The following FRMD4A variants were observed in gnomAD, a reference collection of about 807,000 sequenced individuals.
The protein encoded by FRMD4A is FERM domain-containing protein 4A.
In FRMD4A, 29 loss-of-function variants were observed where a neutral mutation model predicts 129.1. That is an observed-to-expected ratio of 0.22 (90% CI 0.17 to 0.31). The LOEUF is 0.31. Among genes scored for constraint, FRMD4A ranks in the 10% least tolerant of loss-of-function variants. The pLI is 1.00. For missense variants in FRMD4A, 1,272 were observed against 1,375.8 expected (o/e 0.92, Z 1.19); for synonymous variants, 634 against 571.6 (o/e 1.11, Z -1.56).
intron 2 of FRMD4A, among the ~76,000 whole-genome samples, chr10:13,935,222 G>T (rs917253848): frequency 2.6e-5 from 4 of 152,006 alleles, no homozygotes; most frequent in African/African-American, 9.7e-5. Context: ...CGGATCACCT[G>T]AGGTCAGGAG....
chr10:13,927,365 T>C (rs145793117), intron 2 of FRMD4A, among the ~76,000 whole-genome samples: 1 of 152,230 alleles, frequency 6.6e-6, no homozygotes, highest in African/African-American at 2.4e-5. Context: ...AATAGAAATG[T>C]TTTCTAGAAC....
chr10:13,806,413 A>G (rs557568626), intron 4 of FRMD4A, among the ~76,000 whole-genome samples: 1 of 152,306 alleles, frequency 6.6e-6, no homozygotes, highest in South Asian at 2.1e-4. Context: ...AATCTCAGTT[A>G]CCCTATTTGT....
chr10:13,653,164 C>G (rs2081818054), intron 23 of FRMD4A: 1 of 152,252 alleles, frequency 6.6e-6, no homozygotes, highest in African/African-American at 2.4e-5. Flanking sequence ...TGTTAGGACC[C>G]TTTCTTGCCA....
At chr10:13,713,271 G>A (rs1250953932) in intron 12 of FRMD4A, among the ~76,000 whole-genome samples, 3 of 152,164 alleles carry the variant, frequency 2.0e-5, no homozygotes, top group African/African-American at 7.2e-5. Context: ...TTAAGGGATT[G>A]GCAGAGGTTA....
chr10:13,688,105 A>T (rs928881668), intron 15 of FRMD4A, among the ~76,000 whole-genome samples: 3 of 152,216 alleles, frequency 2.0e-5, no homozygotes, highest in African/African-American at 7.2e-5. Context: ...AGGACTGTCA[A>T]GAATCTGGTG....
chr10:13,818,286 C>T (rs2093576791), intron 3 of FRMD4A, among the ~76,000 whole-genome samples: 2 of 152,002 alleles, frequency 1.3e-5, no homozygotes, highest in Admixed American at 1.3e-4. Context: ...CTTCAGTCTC[C>T]TGAGTAGGGG....
At chr10:14,113,576 T>A (rs1221038012) in intron 2 of FRMD4A, among the ~76,000 whole-genome samples, 1 of 152,152 alleles carries the variant, frequency 6.6e-6, no homozygotes, top group Non-Finnish European at 1.5e-5. Context: ...TCAGAAGTTA[T>A]ACCTAGATTT....
chr10:14,209,931 T>C (rs1842891256), intron 2 of FRMD4A, among the ~76,000 whole-genome samples: 1 of 151,896 alleles, frequency 6.6e-6, no homozygotes, highest in East Asian at 1.9e-4. Context: ...GGAAGCCATG[T>C]GAAGATGGAA....
chr10:14,238,883 A>T (rs11258968), intron 2 of FRMD4A, among the ~76,000 whole-genome samples: 1 of 151,988 alleles, frequency 6.6e-6, no homozygotes. Context: ...TTATGGCTGC[A>T]TAGTATTCCA....
At chr10:13,902,485 G>GAGAGAGAGAGAGAGAGAGAT (rs2094832002) in intron 2 of FRMD4A, among the ~76,000 whole-genome samples, 1 of 151,614 alleles carries the variant, frequency 6.6e-6, no homozygotes, top group African/African-American at 2.4e-5. Context: ...GAGAGAGAGA[G>GAGAGAGAGAGAGAGAGAGAT]AGAGAGTGAC....
intron 2 of FRMD4A, among the ~76,000 whole-genome samples, chr10:14,153,470 C>T (rs1008467489): frequency 6.6e-6 from 1 of 152,266 alleles, no homozygotes; most frequent in Admixed American, 6.5e-5. Flanking sequence ...CCACAGGAAC[C>T]TCCACACAGG....
intron 2 of FRMD4A, among the ~76,000 whole-genome samples, chr10:14,006,688 T>C (rs1406173029): frequency 6.6e-6 from 1 of 152,162 alleles, no homozygotes; most frequent in Non-Finnish European, 1.5e-5. Flanking sequence ...ATCTTAATAA[T>C]AGAACACGTG....
At chr10:13,925,062 T>A (rs80219770) in intron 2 of FRMD4A, among the ~76,000 whole-genome samples, 6 of 103,232 alleles carry the variant, frequency 5.8e-5, no homozygotes, top group South Asian at 3.7e-4. Flanking sequence ...AGACTCCGTG[T>A]AAAAAAAAAA....
chr10:13,781,255 G>C (rs2092724537), intron 6 of FRMD4A, among the ~76,000 whole-genome samples: 1 of 118,654 alleles, frequency 8.4e-6, no homozygotes, highest in South Asian at 3.1e-4. Flanking sequence ...AGTGAGCCAA[G>C]ATTGCACCAC....
intron 22 of FRMD4A, 82 bp from the exon 23 acceptor site, chr10:13,654,594 A>AG: frequency 2.3e-6 from 2 of 852,844 alleles, no homozygotes; most frequent in Non-Finnish European, 3.9e-6. Flanking sequence ...GTTGGCTGAC[A>AG]CCAACCCAGT....
In FRMD4A at chr10:13,666,528, T is replaced by C. The variant is rs576580576; in HGVS notation, c.1375-203A>G. On this transcript the variant is annotated intron_variant, in intron 17 of 24. Coordinates refer to ENST00000357447, the MANE Select transcript of FRMD4A (RefSeq NM_018027.5). ...GCTCCTGTTACTTTCTGAAGACAAG[T>C]GTTGGTGTGAACGCTGCCGCCATCG... is the stretch of plus-strand genomic sequence containing the variant. Among the ~76,000 whole-genome samples the C allele has an allele frequency of 1.4e-4, 22 of 152,200 alleles. 1 individual carries two copies. The highest frequency in any genetic ancestry group is 1.4e-3 in the Admixed American group (21 of 15,284).
At chr10:13,737,601 A>T (rs11591544) in intron 12 of FRMD4A, among the ~76,000 whole-genome samples, 66 of 151,920 alleles carry the variant, frequency 4.3e-4, no homozygotes, top group Non-Finnish European at 8.5e-4. Flanking sequence ...GAACTGAGCC[A>T]GTCATCTCAC....
intron 6 of FRMD4A, among the ~76,000 whole-genome samples, chr10:13,780,808 C>A (rs1588684760): frequency 6.6e-6 from 1 of 152,152 alleles, no homozygotes; most frequent in East Asian, 1.9e-4. Context: ...AATAGAAGTA[C>A]CCTATGATCT....
chr10:13,859,015 A>T, intron 2 of FRMD4A, 103 bp from the exon 3 acceptor site: 1 of 764,402 alleles, frequency 1.3e-6, no homozygotes. Flanking sequence ...CTCTGGGCAA[A>T]ACTTCCTCTG....
Sources: allele counts gnomAD v4.1 joint callset (sites outside exome capture counted in the v4.1 genomes callset), GRCh38; gene constraint gnomAD v4.1.1; transcripts MANE v1.5; gene names NCBI Gene and HGNC (gene_info 2026-07-23, HGNC 2026-07-21).